Variants in CTSO observed in about 807,000 individuals in gnomAD.
CTSO encodes cathepsin O.
In CTSO, 40 loss-of-function variants were observed where a neutral mutation model predicts 42.4. The observed-to-expected ratio is 0.94, with a 90% confidence interval of 0.73 to 1.23. The LOEUF is 1.23. CTSO is among the 50% of genes most tolerant of loss of function. CTSO has a pLI of 0.00. For synonymous variants in CTSO, 156 were observed against 146.2 expected, an observed-to-expected ratio of 1.07 and a Z score of -0.48; for missense variants, 441 against 396.0, an observed-to-expected ratio of 1.11 and a Z score of -0.96.
chr4:155,946,849 CGTA>C (rs200171723), intron 1 of CTSO, among the ~76,000 whole-genome samples: 27 of 90,410 alleles, frequency 3.0e-4, no homozygotes, highest in Non-Finnish European at 5.6e-4. Context: ...CTGAACACAG[CGTA>C]ATAATAATAA....
chr4:155,946,896 C>T (rs1294432660), intron 1 of CTSO, among the ~76,000 whole-genome samples: 6 of 152,208 alleles, frequency 3.9e-5, no homozygotes, highest in Non-Finnish European at 7.3e-5. Context: ...CTCGCTCTGT[C>T]GCCCAGGCGA....
intron 1 of CTSO, among the ~76,000 whole-genome samples, chr4:155,943,654 T>A (rs1743480660): frequency 6.6e-6 from 1 of 152,146 alleles, no homozygotes; most frequent in Admixed American, 6.5e-5. Context: ...CAATTATGAA[T>A]ATGGAATATG....
intron 4 of CTSO, 82 bp from the exon 5 acceptor site, chr4:155,937,565 G>C: frequency 7.4e-7 from 1 of 1,351,600 alleles, no homozygotes; most frequent in Non-Finnish European, 1.0e-6. Context: ...TGTCAAAACA[G>C]GTTCAATTTC....
chr4:155,934,100 T>C (rs1219004869), intron 5 of CTSO, among the ~76,000 whole-genome samples: 1 of 151,980 alleles, frequency 6.6e-6, no homozygotes, highest in Non-Finnish European at 1.5e-5. Flanking sequence ...AAGGAAAAAG[T>C]GGTTTTGTGG....
At chr4:155,953,447 G>T (rs1304771878) in intron 1 of CTSO, among the ~76,000 whole-genome samples, 1 of 152,178 alleles carries the variant, frequency 6.6e-6, no homozygotes, top group Non-Finnish European at 1.5e-5. Context: ...ATTTATTTGG[G>T]TGCGTCCCAA....
rs1379741927 is a variant in CTSO, at chr4:155,928,271, C to G, written c.931+65G>C. The G allele has an allele frequency of 1.1e-5, 14 of 1,231,288 alleles. 1 individual carries two copies. The highest frequency in any genetic ancestry group is 1.5e-5 in the African/African-American group (1 of 65,108). The allele number at this position is 1,231,288 out of a possible 1,614,324, so 76.3% of individuals were successfully genotyped here. The stretch of plus-strand genomic sequence containing the variant: ...AAAGTGGTTTGAGTAGATTGTAACT[C>G]TAAAATATTCAAATAATCTCCTTAA... On this transcript the variant is annotated intron_variant, in intron 7 of 7. Coordinates refer to ENST00000433477, the MANE Select transcript of CTSO (RefSeq NM_001334.3).
At chr4:155,950,072 G>A (rs1743620050) in intron 1 of CTSO, among the ~76,000 whole-genome samples, 2 of 152,202 alleles carry the variant, frequency 1.3e-5, no homozygotes, top group Non-Finnish European at 2.9e-5. Context: ...TCTATACAGT[G>A]TACTGAAGTG....
chr4:155,949,425 T>A (rs1560791542), intron 1 of CTSO, among the ~76,000 whole-genome samples: 2 of 152,190 alleles, frequency 1.3e-5, no homozygotes, highest in Non-Finnish European at 2.9e-5. Context: ...CCTTTATCAA[T>A]ATACGCAATG....
intron 3 of CTSO, among the ~76,000 whole-genome samples, chr4:155,940,611 A>G (rs1743412005): frequency 6.6e-6 from 1 of 152,108 alleles, no homozygotes; most frequent in Non-Finnish European, 1.5e-5. Flanking sequence ...TTGGGAGGCC[A>G]AGGCAGGCGG....
At chr4:155,952,884 T>A (rs1434537277) in intron 1 of CTSO, among the ~76,000 whole-genome samples, 2 of 152,154 alleles carry the variant, frequency 1.3e-5, no homozygotes, top group African/African-American at 4.8e-5. Flanking sequence ...GATAATGGCA[T>A]CTTTCATGAA....
chr4:155,937,617 TTTC>T, intron 4 of CTSO, 134 bp from the exon 5 acceptor site: 1 of 852,416 alleles, frequency 1.2e-6, no homozygotes. Flanking sequence ...TTCTTTTTTT[TTTC>T]TTTTTCTTTT....
intron 1 of CTSO, among the ~76,000 whole-genome samples, chr4:155,944,490 G>A (rs1743505136): frequency 6.6e-6 from 1 of 152,148 alleles, no homozygotes; most frequent in African/African-American, 2.4e-5. Flanking sequence ...GGAATTCAGA[G>A]GATTCATTCA....
At chr4:155,933,537 T>G (rs1173760116) in intron 5 of CTSO, among the ~76,000 whole-genome samples, 1 of 152,196 alleles carries the variant, frequency 6.6e-6, no homozygotes, top group Non-Finnish European at 1.5e-5. Context: ...TGGAACAGTT[T>G]CAAGGGCTCA....
In CTSO at chr4:155,948,078, T is replaced by C. The variant is rs1346241517; in HGVS notation, c.136-4814A>G. On this transcript the variant is annotated intron_variant, in intron 1 of 7. Transcript: ENST00000433477. Reference sequence around the variant, plus strand: ...AACTACCTTCACCTTTTTTTTGTTGTTGTTGTTAAATGTGTTTAATTGAAT... The same window carrying C: ...AACTACCTTCACCTTTTTTTTGTTGCTGTTGTTAAATGTGTTTAATTGAAT... Among the ~76,000 whole-genome samples the C allele has an allele frequency of 2.0e-5, 3 of 151,874 alleles. No homozygotes were observed. The East Asian group carries it at 5.8e-4, about 29-fold the overall frequency.
intron 1 of CTSO, among the ~76,000 whole-genome samples, chr4:155,945,107 A>G (rs979145366): frequency 6.6e-6 from 1 of 152,040 alleles, no homozygotes; most frequent in East Asian, 1.9e-4. Flanking sequence ...AAATACAAAA[A>G]TTAGCCGGGC....
intron 6 of CTSO, 102 bp downstream of exon 6, chr4:155,929,440 T>G (rs1442815818): frequency 1.6e-5 from 19 of 1,220,496 alleles, no homozygotes; most frequent in Non-Finnish European, 1.8e-5. Context: ...TATGAGGACT[T>G]AATCATAGCA....
chr4:155,932,673 G>T (rs923174823), intron 5 of CTSO, among the ~76,000 whole-genome samples: 3 of 152,122 alleles, frequency 2.0e-5, no homozygotes, highest in African/African-American at 7.2e-5. Context: ...TGGCACTGAA[G>T]TGTACATTTT....
Position 155,943,233 on chromosome 4 carries a change from G to A in CTSO, c.167C>T (p.Ser56Phe). 1 of 1,610,640 alleles carries A rather than the reference G, an allele frequency of 6.2e-7. No homozygotes were observed. The highest frequency in any genetic ancestry group is 8.5e-7 in the Non-Finnish European group (1 of 1,177,306). Residue 56 changes from serine (S) to phenylalanine (F), a missense_variant, in exon 2 of 8, where the codon TCT (serine) becomes TTT (phenylalanine). Coordinates refer to ENST00000433477, the MANE Select transcript of CTSO (RefSeq NM_001334.3). The stretch of plus-strand genomic sequence containing the variant: ...GGTGGAGTTTTCACTGGGAAATAAA[G>A]AATTCAAGTATCGATGTCTATTAAG... ...ESLNRHRYLN[S>F]LFPSENSTAF... is the part of the protein sequence containing the mutation.
chr4:155,940,617 G>C (rs1743412179), intron 3 of CTSO, among the ~76,000 whole-genome samples: 1 of 152,168 alleles, frequency 6.6e-6, no homozygotes, highest in Non-Finnish European at 1.5e-5. Context: ...GGCCAAGGCA[G>C]GCGGATCATG....
Sources: gnomAD v4.1 joint callset for allele counts (sites outside exome capture counted in the v4.1 genomes callset) on GRCh38, gnomAD v4.1.1 for gene constraint, MANE v1.5 for transcripts, NCBI Gene and HGNC (gene_info 2026-07-23, HGNC 2026-07-21) for gene names.